GABRB3: variants seen among roughly 807,000 people sequenced by gnomAD.
GABRB3 encodes the protein gamma-aminobutyric acid type A receptor subunit beta3.
GABRB3 carries 14 observed loss-of-function variants against 52.1 expected under a neutral mutation model. The observed-to-expected ratio is 0.27, with a 90% CI of 0.18 to 0.42. The LOEUF (loss-of-function observed/expected upper bound fraction) is 0.42, where lower values mean the gene tolerates loss of function less well. GABRB3 is among the 10% of genes least tolerant of loss of function. GABRB3 has a pLI of 1.00. For synonymous variants in GABRB3, 260 were observed against 232.3 expected (o/e 1.12, Z -1.08); for missense variants, 307 against 609.1 (o/e 0.50, Z 5.22).
At chr15:26,706,880 C>A (rs575611302) in intron 3 of GABRB3, among the ~76,000 whole-genome samples, 1 of 152,226 alleles carries the variant, frequency 6.6e-6, no homozygotes, top group Admixed American at 6.5e-5. Context: ...CTTCCTTTAC[C>A]CTCAGTCCTT....
intron 3 of GABRB3, among the ~76,000 whole-genome samples, chr15:26,732,360 A>G (rs1313679144): frequency 9.5e-6 from 1 of 105,230 alleles, no homozygotes; most frequent in East Asian, 4.0e-4. Flanking sequence ...GTAGATAGAG[A>G]GATAAATAAA....
At chr15:26,744,149 TA>T in intron 3 of GABRB3, among the ~76,000 whole-genome samples, 1 of 152,294 alleles carries the variant, frequency 6.6e-6, no homozygotes, top group East Asian at 1.9e-4. Context: ...GTGACGCATA[TA>T]AAAATAGCAC....
intron 3 of GABRB3, chr15:26,666,532 C>G (rs1887717525): frequency 6.6e-6 from 1 of 152,168 alleles, no homozygotes; most frequent in African/African-American, 2.4e-5. Context: ...TACAGGTGAA[C>G]ATGGAAGGAT....
intron 3 of GABRB3, among the ~76,000 whole-genome samples, chr15:26,713,687 T>C (rs1889375609): frequency 6.6e-6 from 1 of 152,172 alleles, no homozygotes; most frequent in African/African-American, 2.4e-5. Flanking sequence ...AACACGCTGT[T>C]TCCATAAGAT....
chr15:26,636,589 G>A (rs1317931894), intron 3 of GABRB3, among the ~76,000 whole-genome samples: 2 of 152,110 alleles, frequency 1.3e-5, no homozygotes, highest in Admixed American at 6.5e-5. Context: ...CTGCATGGCT[G>A]ATCCTGATCA....
At position 26,704,990 on chromosome 15, in the gene GABRB3, G is replaced by A. The variant is rs146680784; in HGVS notation, c.240+67412C>T. Among the ~76,000 whole-genome samples, 30 of 152,196 alleles carry A rather than the reference G, an allele frequency of 2.0e-4. No individual in the cohort carries two copies. The East Asian group carries it at 5.6e-3, about 28-fold the overall frequency. ...AGAACTGTCCCAAGCACTAACCACT[G>A]CCCAGTTCAAATCCCACTTCTACGT... On this transcript the variant is annotated intron_variant, in intron 3 of 8. Coordinates refer to ENST00000311550, the MANE Select transcript of GABRB3 (RefSeq NM_000814.6).
chr15:26,749,066 T>A (rs980224273), intron 3 of GABRB3, among the ~76,000 whole-genome samples: 1 of 152,056 alleles, frequency 6.6e-6, no homozygotes, highest in Admixed American at 6.6e-5. Flanking sequence ...CAAAATCATC[T>A]GCTTGGTTTG....
chr15:26,762,150 TATAATAGGTACAAGAAC>T (rs1890839674), intron 3 of GABRB3, among the ~76,000 whole-genome samples: 1 of 152,166 alleles, frequency 6.6e-6, no homozygotes, highest in Admixed American at 6.5e-5. Context: ...CATTTATTCT[TATAATAGGTACAAGAAC>T]ATAAGAAGGC....
chr15:26,554,207 A>ATATATATATATATATTTATT (rs1348288306), intron 8 of GABRB3, among the ~76,000 whole-genome samples: 796 of 57,690 alleles, frequency 0.014, 150 homozygotes, highest in Non-Finnish European at 0.027. Context: ...ATATATATAT[A>ATATATATATATATATTTATT]TAGTAGAAAC....
At position 26,624,400 on chromosome 15, in the gene GABRB3, C is replaced by T. The variant is rs1053048436; in HGVS notation, c.241-2866G>A. ...ACCCCGCATGCTTACGCCTGAGTCG[C>T]GATGTCTAGCGCCCTTCTCAGAGTC... On this transcript the variant is annotated intron_variant, in intron 3 of 8. Transcript: ENST00000311550. 5.1e-6 allele frequency: 5 copies of T among 985,374 alleles called. No individual in the cohort carries two copies. In the African/African-American group the frequency reaches 7.0e-5, roughly 14 times the overall value. 61.0% of individuals were successfully genotyped at this position (985,374 alleles called of 1,614,324 possible).
intron 3 of GABRB3, among the ~76,000 whole-genome samples, chr15:26,635,723 T>C (rs1893039914): frequency 6.6e-6 from 1 of 152,222 alleles, no homozygotes; most frequent in Admixed American, 6.5e-5. Flanking sequence ...CCCTTTGATT[T>C]CATATATATG....
At chr15:26,658,859 C>T (rs375192968) in intron 3 of GABRB3, 6 of 152,134 alleles carry the variant, frequency 3.9e-5, no homozygotes, top group South Asian at 4.1e-4. Context: ...GAAACGGAAC[C>T]CTCAAAACCA....
chr15:26,591,568 C>T (rs766899044), intron 4 of GABRB3, among the ~76,000 whole-genome samples: 10 of 152,220 alleles, frequency 6.6e-5, no homozygotes, highest in South Asian at 4.2e-4. Flanking sequence ...CAAGCCAGAA[C>T]GAAAGGGGTA....
intron 7 of GABRB3, among the ~76,000 whole-genome samples, chr15:26,563,622 T>C (rs559413174): frequency 1.3e-5 from 2 of 152,326 alleles, no homozygotes; most frequent in African/African-American, 4.8e-5. Flanking sequence ...TGCCAATAAA[T>C]AGTAACCGGC....
intron 4 of GABRB3, among the ~76,000 whole-genome samples, chr15:26,608,682 A>T (rs1384481817): frequency 6.6e-6 from 1 of 152,206 alleles, no homozygotes; most frequent in East Asian, 1.9e-4. Flanking sequence ...CAAATGGCCA[A>T]CAAGACATAT....
At chr15:26,553,212 G>A (rs1371743099) in intron 8 of GABRB3, among the ~76,000 whole-genome samples, 6 of 152,098 alleles carry the variant, frequency 3.9e-5, no homozygotes, top group South Asian at 2.1e-4. Flanking sequence ...GTGCAGTGGC[G>A]CGATCTCGGC....
At chr15:26,566,666 C>T (rs1890189250) in intron 7 of GABRB3, among the ~76,000 whole-genome samples, 1 of 151,972 alleles carries the variant, frequency 6.6e-6, no homozygotes, top group Admixed American at 6.6e-5. Flanking sequence ...GTTGAGGCTG[C>T]AGTGAGCCGT....
At chr15:26,625,922 A>G (rs1201282193) in intron 3 of GABRB3, among the ~76,000 whole-genome samples, 1 of 152,184 alleles carries the variant, frequency 6.6e-6, no homozygotes, top group East Asian at 1.9e-4. Flanking sequence ...CAGGCTGCAC[A>G]AGAAACTATC....
intron 3 of GABRB3, among the ~76,000 whole-genome samples, chr15:26,645,292 G>A (rs779732469): frequency 6.6e-6 from 1 of 152,122 alleles, no homozygotes; most frequent in Non-Finnish European, 1.5e-5. Context: ...GAACTCTTTT[G>A]GTCATTTTCT....
Sources: gnomAD v4.1 joint callset for allele counts (sites outside exome capture counted in the v4.1 genomes callset) on GRCh38, gnomAD v4.1.1 for gene constraint, MANE v1.5 for transcripts, NCBI Gene and HGNC (gene_info 2026-07-23, HGNC 2026-07-21) for gene names.